Variants in CLASP1 observed in about 807,000 individuals in gnomAD.
CLASP1 encodes cytoplasmic linker associated protein 1.
In CLASP1, 38 loss-of-function variants were observed where a neutral mutation model predicts 192.3. That is an observed-to-expected ratio of 0.20 (90% confidence interval 0.15 to 0.26). The LOEUF (loss-of-function observed/expected upper bound fraction) is 0.26, where lower values mean the gene tolerates loss of function less well. Ranked by LOEUF, CLASP1 falls within the 10% of genes least tolerant of loss-of-function variation. The pLI is 1.00. For missense variants in CLASP1, 1,433 were observed against 1,932.5 expected (o/e 0.74, Z 4.85); for synonymous variants, 691 against 712.8 (o/e 0.97, Z 0.49).
chr2:121,565,423 A>G (rs963951825), intron 2 of CLASP1, among the ~76,000 whole-genome samples: 1 of 152,238 alleles, frequency 6.6e-6, no homozygotes, highest in African/African-American at 2.4e-5. Context: ...AGGAGGCACT[A>G]TCACAGCCCC....
chr2:121,384,804 C>T (rs764443596), intron 32 of CLASP1, among the ~76,000 whole-genome samples: 4 of 152,126 alleles, frequency 2.6e-5, no homozygotes, highest in Non-Finnish European at 5.9e-5. Flanking sequence ...TCACTTGAAT[C>T]CCAAAGGCGG....
chr2:121,616,912 C>T (rs1445186158), intron 1 of CLASP1, among the ~76,000 whole-genome samples: 1 of 152,206 alleles, frequency 6.6e-6, no homozygotes, highest in African/African-American at 2.4e-5. Flanking sequence ...TCAAGAAGGT[C>T]ACTGCCTGAA....
chr2:121,511,326 T>C (rs1182328695), intron 7 of CLASP1, among the ~76,000 whole-genome samples: 4 of 152,090 alleles, frequency 2.6e-5, no homozygotes, highest in Non-Finnish European at 5.9e-5. Context: ...CAGTGGCTCA[T>C]GCCTGTAATC....
At chr2:121,599,778 G>A (rs2063584118) in intron 2 of CLASP1, among the ~76,000 whole-genome samples, 1 of 151,374 alleles carries the variant, frequency 6.6e-6, no homozygotes, top group African/African-American at 2.4e-5. Flanking sequence ...AAATCAGCCA[G>A]GCATGGTGGC....
intron 20 of CLASP1, among the ~76,000 whole-genome samples, chr2:121,429,386 G>A (rs1036713697): frequency 1.3e-5 from 2 of 152,122 alleles, no homozygotes; most frequent in African/African-American, 4.8e-5. Context: ...AGCTCTACTC[G>A]ACATGCATAG....
intron 8 of CLASP1, among the ~76,000 whole-genome samples, chr2:121,470,926 AT>A (rs1217930094): frequency 6.6e-6 from 1 of 152,148 alleles, no homozygotes; most frequent in Non-Finnish European, 1.5e-5. Context: ...GAAGATGAAC[AT>A]TTTTTTCGTA....
chr2:121,420,639 A>G (rs997165124), intron 22 of CLASP1, among the ~76,000 whole-genome samples: 11 of 152,230 alleles, frequency 7.2e-5, no homozygotes, highest in Non-Finnish European at 1.3e-4. Context: ...CTTGCTGAAG[A>G]GCACATGTAA....
Position 121,550,415 on chromosome 2 carries a change from C to T in CLASP1, c.196-20090G>A, listed in dbSNP as rs141644745. On this transcript the variant is annotated intron_variant, in intron 2 of 39. Transcript: ENST00000263710. ...AAATCAGAGTTGAAATGAAGGAAAT[C>T]GAGACATGAAAAACAATTTTTAAAA... 4.4e-4 allele frequency among the ~76,000 whole-genome samples: 66 copies of T among 150,710 alleles called. No individual in the cohort carries two copies. In the East Asian group the frequency reaches 9.7e-3, roughly 22 times the overall value.
chr2:121,588,876 T>A (rs2062037043), intron 2 of CLASP1, among the ~76,000 whole-genome samples: 2 of 152,192 alleles, frequency 1.3e-5, no homozygotes, highest in Admixed American at 6.5e-5. Flanking sequence ...TCCCTTTACA[T>A]GAGTGGGAGC....
intron 8 of CLASP1, among the ~76,000 whole-genome samples, chr2:121,491,501 G>A (rs770478215): frequency 5.3e-5 from 8 of 152,034 alleles, no homozygotes; most frequent in Non-Finnish European, 1.0e-4. Flanking sequence ...ATAATTACTG[G>A]GTCTTTCATT....
intron 35 of CLASP1, among the ~76,000 whole-genome samples, chr2:121,367,267 C>G (rs1215021962): frequency 6.6e-6 from 1 of 152,178 alleles, no homozygotes; most frequent in African/African-American, 2.4e-5. Flanking sequence ...CTACCTGGGC[C>G]CTGGGTTCTA....
rs909037074 is a variant in CLASP1 at position 121,509,411 on chromosome 2, C to T, written c.645-6177G>A. On this transcript the variant is annotated intron_variant, in intron 7 of 39. Transcript: ENST00000263710. ...CTGGTCTTGCACTCCTGGGCTCAAG[C>T]AATCCTTCCGTCTCGGCCTCCCAAA... Among the ~76,000 whole-genome samples, 5 of 152,152 alleles carry T rather than the reference C, an allele frequency of 3.3e-5. No individual in the cohort carries two copies. The East Asian group carries it at 5.8e-4, about 18-fold the overall frequency.
chr2:121,459,844 T>G, intron 12 of CLASP1, 136 bp downstream of exon 12: 1 of 649,990 alleles, frequency 1.5e-6, no homozygotes, highest in Non-Finnish European at 2.4e-6. Flanking sequence ...CTGAAAGAAG[T>G]GTTAACTGGA....
At chr2:121,478,990 C>CACACA in intron 8 of CLASP1, among the ~76,000 whole-genome samples, 1 of 94,170 alleles carries the variant, frequency 1.1e-5, no homozygotes, top group African/African-American at 4.7e-5. Context: ...ACACCACACA[C>CACACA]CCCACACACA....
At chr2:121,480,170 C>T (rs1478346164) in intron 8 of CLASP1, among the ~76,000 whole-genome samples, 1 of 152,226 alleles carries the variant, frequency 6.6e-6, no homozygotes, top group East Asian at 1.9e-4. Flanking sequence ...TTCAGCTTTA[C>T]TAGTCCTTCA....
At chr2:121,407,442 T>G in intron 25 of CLASP1, 29 bp downstream of exon 26, 1 of 1,612,226 alleles carries the variant, frequency 6.2e-7, no homozygotes, top group Non-Finnish European at 8.5e-7. Flanking sequence ...AGATTCAAAC[T>G]TAGCTCATAT....
At chr2:121,447,648 G>A in intron 18 of CLASP1, 141 bp from the exon 19 acceptor site, 2 of 707,800 alleles carry the variant, frequency 2.8e-6, no homozygotes, top group Non-Finnish European at 4.6e-6. Context: ...CTGACAAACA[G>A]TTTCTCCTGG....
chr2:121,579,774 G>T (rs2060929566), intron 2 of CLASP1, among the ~76,000 whole-genome samples: 1 of 152,108 alleles, frequency 6.6e-6, no homozygotes, highest in Admixed American at 6.6e-5. Flanking sequence ...AATAAACTCT[G>T]AACATTTGGC....
chr2:121,629,526 C>T (rs2069073407), intron 1 of CLASP1, among the ~76,000 whole-genome samples: 1 of 151,662 alleles, frequency 6.6e-6, no homozygotes, highest in Non-Finnish European at 1.5e-5. Flanking sequence ...AGCGGTGGCT[C>T]ACGCCGGTAA....
Sources: allele counts gnomAD v4.1 joint callset (sites outside exome capture counted in the v4.1 genomes callset), GRCh38; gene constraint gnomAD v4.1.1; transcripts MANE v1.5; gene names NCBI Gene and HGNC (gene_info 2026-07-23, HGNC 2026-07-21).